Variants in LTBP3 observed in about 807,000 individuals in gnomAD.
LTBP3 encodes the protein latent transforming growth factor beta binding protein 3.
In LTBP3, 97 loss-of-function variants were observed where a neutral mutation model predicts 159.7. The observed-to-expected ratio is 0.61, with a 90% CI of 0.52 to 0.72. The LOEUF is 0.72. LTBP3 is among the 30% of genes least tolerant of loss of function. The pLI is 0.00. For synonymous variants in LTBP3, 824 were observed against 777.1 expected, an observed-to-expected ratio of 1.06 and a Z score of -1.00; for missense variants, 1,584 against 1,864.3, an observed-to-expected ratio of 0.85 and a Z score of 2.77.
rs774468187 is a variant in LTBP3 at position 65,552,097 on chromosome 11, G to A, written c.1406C>T (p.Thr469Met). The change falls in exon 8 of 28, where the codon ACG becomes ATG. Residue 469 changes from threonine (T) to methionine (M), a missense_variant. Physicochemically the swap from Thr to Met is moderately conservative, Grantham distance 81. Around this residue, in one of 6 missense-constraint regions of LTBP3, gnomAD observed 156 missense variants for 259.7 expected, o/e 0.60. Coordinates refer to ENST00000301873, the MANE Select transcript of LTBP3 (RefSeq NM_001130144.3). The surrounding 1 kb of genome is among the most constrained non-coding windows in gnomAD (Gnocchi z 6.0). ...GTCACTCTCGCCCTGAATGGTGAGC[G>A]TCTGGTGGGAGGTGAGAATGTGGTA... ...KGYHILTSHQ[T>M]LTIQGESDFS... is the part of the protein sequence containing the mutation. 7.4e-6 allele frequency: 12 copies of A among 1,614,084 alleles called. No homozygotes were observed. The highest frequency in any genetic ancestry group is 1.3e-5 in the African/African-American group (1 of 74,920).
rs1457257115 is a variant in LTBP3 at position 65,551,147 on chromosome 11, T to C, written c.1699A>G (p.Ile567Val). The change falls in exon 11 of 28, where the codon ATC becomes GTC. Residue 567 changes from isoleucine (I) to valine (V), a missense_variant. Ile to Val is a conservative substitution (Grantham distance 29). Around this residue, in one of 6 missense-constraint regions of LTBP3, gnomAD observed 565 missense variants for 677.7 expected, o/e 0.83. Transcript: ENST00000301873. The stretch of plus-strand genomic sequence containing the variant: ...TTACCTGTGACCTGAGTGGGAGCGA[T>C]CTCTACGGCGCTGCGGGAAGGAGGC... ...DLPPSRSAVE[I>V]APTQVTETDE... 1.5e-5 allele frequency: 24 copies of C among 1,553,718 alleles called. No homozygotes were observed. Among genetic ancestry groups the C allele is most frequent in the Middle Eastern group, 1.7e-4 (1 of 6,014 alleles).
chr11:65,540,133 G>C lies in LTBP3; in HGVS notation c.3265C>G (p.Pro1089Ala). The C allele has an allele frequency of 6.5e-7, 1 of 1,527,660 alleles. No homozygotes were observed. The highest frequency in any genetic ancestry group is 8.8e-7 in the Non-Finnish European group (1 of 1,140,122). 94.6% of individuals were successfully genotyped at this position (1,527,660 alleles called of 1,614,324 possible). A position where few individuals can be genotyped will look rare whatever the true frequency, so the allele number is the denominator to read the frequency against. ...CAGCGGCCAGGGCGGCAGGCTGCCG[G>C]GTCCTGGCACTCGTCCACGTCTACG... ...EEMDVDECQD[P>A]AACRPGRCVN... Residue 1089 changes from proline (P) to alanine (A), a missense_variant, in exon 24 of 28, where the codon CCG (proline) becomes GCG (alanine). Pro to Ala is a conservative substitution (Grantham distance 27). Transcript: ENST00000301873.
intron 1 of LTBP3, among the ~76,000 whole-genome samples, chr11:65,556,654 CAG>C (rs1462382052): frequency 2.6e-5 from 4 of 152,386 alleles, no homozygotes; most frequent in South Asian, 2.1e-4. Flanking sequence ...ACCCCAGACA[CAG>C]GGGCAATATG....
At position 65,538,774 on chromosome 11, in the gene LTBP3, GC is replaced by G; in HGVS notation, c.*305del. 1 of 846,874 alleles carries G rather than the reference GC, an allele frequency of 1.2e-6. No individual in the cohort carries two copies. The highest frequency in any genetic ancestry group is 1.8e-6 in the Non-Finnish European group (1 of 569,806). 52.5% of individuals were successfully genotyped at this position (846,874 alleles called of 1,614,324 possible). A position where few individuals can be genotyped will look rare whatever the true frequency, so the allele number is the denominator to read the frequency against. ...TCTGGCGCCGCCCTGCGCAGCCCGCGCCCACGTCAGACGTGAACATCAATTT... is the reference window on the plus strand; with the variant it reads ...TCTGGCGCCGCCCTGCGCAGCCCGCGCCACGTCAGACGTGAACATCAATTT... On this transcript the variant is annotated 3_prime_UTR_variant, in exon 28 of 28. Coordinates refer to ENST00000301873, the MANE Select transcript of LTBP3 (RefSeq NM_001130144.3).
chr11:65,540,493 T>G lies in LTBP3; in HGVS notation c.3099A>C (p.Glu1033Asp). 6.2e-7 allele frequency: 1 copy of G among 1,613,634 alleles called. No individual in the cohort carries two copies. The highest frequency in any genetic ancestry group is 8.5e-7 in the Non-Finnish European group (1 of 1,179,870). ...CCGGGGGGCGGAGCTCACCCACGCA[T>G]TCCAGCAGGTTCCCGTCGTAGTAGA... ...QGFYYDGNLLECVDVDECLDE... is the reference protein window; with the variant it reads ...QGFYYDGNLLDCVDVDECLDE... The change falls in exon 22 of 28, where the codon GAA (glutamate) becomes GAC (aspartate). Residue 1033 changes from glutamate (E) to aspartate (D), a missense_variant. By Grantham distance (45) the Glu-to-Asp change is conservative. This residue lies in a region of LTBP3 where 514 missense variants were observed against 530.3 expected (regional missense o/e 0.97). Transcript: ENST00000301873.
Position 65,539,059 on chromosome 11 carries a change from C to G in LTBP3, c.*21G>C. On this transcript the variant is annotated 3_prime_UTR_variant, in exon 28 of 28. Coordinates refer to ENST00000301873, the MANE Select transcript of LTBP3 (RefSeq NM_001130144.3). ...CCCTCAGTGATCACCGAGGTCTGGG[C>G]CGAGGGCGGCGTCGGCGGCGTCAGC... 1 of 1,358,734 alleles carries G rather than the reference C, an allele frequency of 7.4e-7. No homozygotes were observed. The highest frequency in any genetic ancestry group is 2.7e-4 in the Middle Eastern group (1 of 3,704). 84.2% of individuals were successfully genotyped at this position (1,358,734 alleles called of 1,614,324 possible). A position where few individuals can be genotyped will look rare whatever the true frequency, so the allele number is the denominator to read the frequency against.
chr11:65,550,801 C>T (rs1027131186), intron 11 of LTBP3, among the ~76,000 whole-genome samples: 1 of 151,914 alleles, frequency 6.6e-6, no homozygotes, highest in African/African-American at 2.4e-5. Context: ...TCCCGCCTGG[C>T]GACAGAGCAA....
chr11:65,538,701 C>G lies in LTBP3; in HGVS notation c.*379G>C, dbSNP rs1025211750. The stretch of plus-strand genomic sequence containing the variant: ...ATCAGAGCCACAATAAATTCTATTT[C>G]ACACCCCTTGTGCCGGGCTCAGTCT... On this transcript the variant is annotated 3_prime_UTR_variant, in exon 28 of 28. Transcript: ENST00000301873. 5.0e-6 allele frequency: 6 copies of G among 1,202,584 alleles called. No individual in the cohort carries two copies. The African/African-American group carries it at 9.2e-5, about 18-fold the overall frequency. 74.5% of individuals were successfully genotyped at this position (1,202,584 alleles called of 1,614,324 possible).
chr11:65,539,313 C>T lies in LTBP3; in HGVS notation c.3760+15G>A, dbSNP rs772736223. On this transcript the variant is annotated intron_variant, in intron 27 of 27. Coordinates refer to ENST00000301873, the MANE Select transcript of LTBP3 (RefSeq NM_001130144.3). ...CCGGCCCCGCCCCTGCCCCCACCCC[C>T]GAAGCCCGGCTCACCCACGCAGCGG... The T allele has an allele frequency of 4.6e-6, 7 of 1,510,460 alleles. No individual in the cohort carries two copies. The highest frequency in any genetic ancestry group is 1.2e-5 in the South Asian group (1 of 82,368). The allele number at this position is 1,510,460 out of a possible 1,614,324, so 93.6% of individuals were successfully genotyped here.
In LTBP3 at chr11:65,553,098, C is replaced by T; in HGVS notation, c.1063+66G>A. 1.2e-6 allele frequency: 2 copies of T among 1,605,024 alleles called. No individual in the cohort carries two copies. Among genetic ancestry groups the T allele is most frequent in the Non-Finnish European group, 1.7e-6 (2 of 1,172,210 alleles). On this transcript the variant is annotated intron_variant, in intron 5 of 27. Coordinates refer to ENST00000301873, the MANE Select transcript of LTBP3 (RefSeq NM_001130144.3). This position sits in a 1 kb window ranked among gnomAD's most constrained non-coding sequence, Gnocchi z 6.5. ...ACCTCCTCTCTCGCCCACCTTGGGA[C>T]CCTCCCCACCCCCAGTGATGGCTGG...
rs1856393306 is a variant in LTBP3 at position 65,546,810 on chromosome 11, C to T, written c.2218G>A (p.Gly740Arg). ...CQPGYRSQGG[G>R]ACRDVNECAE... ...GCCCCGCCCTCACCGCGACAGGCCC[C>T]GCCCCCCTGGCTGCGGTAGCCAGGC... Residue 740 changes from glycine (G) to arginine (R), a missense_variant, in exon 15 of 28, where the codon GGG (glycine) becomes AGG (arginine). Around this residue, in one of 6 missense-constraint regions of LTBP3, gnomAD observed 565 missense variants for 677.7 expected, o/e 0.83. Transcript: ENST00000301873. The surrounding 1 kb of genome is among the most constrained non-coding windows in gnomAD (Gnocchi z 4.0). 8 of 1,605,544 alleles carry T rather than the reference C, an allele frequency of 5.0e-6. No individual in the cohort carries two copies. The highest frequency in any genetic ancestry group is 6.8e-6 in the Non-Finnish European group (8 of 1,179,630).
rs565208055 is a variant in LTBP3, at chr11:65,547,327, G to A, written c.2107+112C>T. On this transcript the variant is annotated intron_variant, in intron 14 of 27. Coordinates refer to ENST00000301873, the MANE Select transcript of LTBP3 (RefSeq NM_001130144.3). This position sits in a 1 kb window ranked among gnomAD's most constrained non-coding sequence, Gnocchi z 4.6. ...CCACCGCACTCCAGCCTGGGCGACA[G>A]AGTGAGACTCCGTCTCGGGGGAAAA... 4.8e-5 allele frequency: 63 copies of A among 1,306,472 alleles called. 1 individual carries two copies. In the South Asian group the frequency reaches 7.4e-4, roughly 15 times the overall value. 80.9% of individuals were successfully genotyped at this position (1,306,472 alleles called of 1,614,324 possible).
chr11:65,547,538 A>G lies in LTBP3; in HGVS notation c.2008T>C (p.Cys670Arg). Residue 670 changes from cysteine to arginine, a missense_variant, in exon 14 of 28, where the codon TGC becomes CGC. Cys to Arg is a radical substitution (Grantham distance 180). Coordinates refer to ENST00000301873, the MANE Select transcript of LTBP3 (RefSeq NM_001130144.3). This position sits in a 1 kb window ranked among gnomAD's most constrained non-coding sequence, Gnocchi z 4.6. The part of the protein sequence containing the change: ...DLNECAKPHL[C>R]GDGGFCINFP... Reference sequence around the variant, plus strand: ...TTGATGCAGAAGCCGCCGTCGCCGCACAGGTGGGGCTTGGCGCATTCGTTC... The same window carrying G: ...TTGATGCAGAAGCCGCCGTCGCCGCGCAGGTGGGGCTTGGCGCATTCGTTC... 1 of 1,613,928 alleles carries G rather than the reference A, an allele frequency of 6.2e-7. No individual in the cohort carries two copies. The highest frequency in any genetic ancestry group is 8.5e-7 in the Non-Finnish European group (1 of 1,179,910).
Position 65,546,571 on chromosome 11 carries a change from C to T in LTBP3, c.2231-7G>A. 6.2e-7 allele frequency: 1 copy of T among 1,601,836 alleles called. No homozygotes were observed. The highest frequency in any genetic ancestry group is 1.1e-5 in the South Asian group (1 of 90,960). ...TCGGCGCACTCGTTCACGTCTGCGG[C>T]GGAAAGACCTAGCCTCGGACTCTGC... is the stretch of plus-strand genomic sequence containing the variant. On this transcript the variant is annotated splice_region_variant and splice_polypyrimidine_tract_variant and intron_variant, in intron 15 of 27. Transcript: ENST00000301873. This position sits in a 1 kb window ranked among gnomAD's most constrained non-coding sequence, Gnocchi z 4.0.
Position 65,552,070 on chromosome 11 carries a change from A to C in LTBP3, c.1433T>G (p.Phe478Cys). 1 of 1,613,910 alleles carries C rather than the reference A, an allele frequency of 6.2e-7. No individual in the cohort carries two copies. Among genetic ancestry groups the C allele is most frequent in the Non-Finnish European group, 8.5e-7 (1 of 1,179,954 alleles). The change falls in exon 8 of 28, where the codon TTT becomes TGT. Residue 478 changes from phenylalanine (F) to cysteine (C), a missense_variant. This residue lies in a region of LTBP3 where 565 missense variants were observed against 677.7 expected (regional missense o/e 0.83). Transcript: ENST00000301873. This position sits in a 1 kb window ranked among gnomAD's most constrained non-coding sequence, Gnocchi z 6.0. Reference sequence around the variant, plus strand: ...CCCGTCAGGGTGCAGGAAAAGGGAAAAGTCACTCTCGCCCTGAATGGTGAG... The same window carrying C: ...CCCGTCAGGGTGCAGGAAAAGGGAACAGTCACTCTCGCCCTGAATGGTGAG... Reference protein sequence around the residue: ...QTLTIQGESDFSLFLHPDGPP... With the variant: ...QTLTIQGESDCSLFLHPDGPP...
chr11:65,541,125 C>T lies in LTBP3; in HGVS notation c.2893+1G>A. ...GGGAAGGGGCCTGCCCGGCTCCTGA[C>T]CTGAGCTGTAGACTGGGCAGGGGTA... On this transcript the variant is annotated splice_donor_variant, in intron 20 of 27. Coordinates refer to ENST00000301873, the MANE Select transcript of LTBP3 (RefSeq NM_001130144.3). LOFTEE classifies it high-confidence loss of function. 1 of 1,612,742 alleles carries T rather than the reference C, an allele frequency of 6.2e-7. No individual in the cohort carries two copies. The highest frequency in any genetic ancestry group is 8.5e-7 in the Non-Finnish European group (1 of 1,179,752).
intron 1 of LTBP3, among the ~76,000 whole-genome samples, chr11:65,555,845 G>C (rs1332330546): frequency 6.6e-6 from 1 of 152,060 alleles, no homozygotes; most frequent in Non-Finnish European, 1.5e-5. Context: ...TGCTCTCCTG[G>C]ATGCCAGAAG....
rs1187877387 is a variant in LTBP3 at position 65,539,514 on chromosome 11, C to T, written c.3628+34G>A. 3.7e-6 allele frequency: 6 copies of T among 1,604,614 alleles called. No individual in the cohort carries two copies. The Admixed American group carries it at 8.5e-5, about 23-fold the overall frequency. On this transcript the variant is annotated intron_variant, in intron 26 of 27. Coordinates refer to ENST00000301873, the MANE Select transcript of LTBP3 (RefSeq NM_001130144.3). ...ACACTGAGCCCCGGCCAAAGGCTAC[C>T]AACCCCGCCACCGCCCGACCCGGCA...
Position 65,547,237 on chromosome 11 carries a change from G to A in LTBP3, c.2107+202C>T, listed in dbSNP as rs573759634. 3.2e-4 allele frequency among the ~76,000 whole-genome samples: 49 copies of A among 152,214 alleles called. No individual in the cohort carries two copies. In the East Asian group the frequency reaches 8.9e-3, roughly 28 times the overall value. ...CAGGCGCCCGTAATCCCAGCTACTC[G>A]GGAGGCTGAGGCAGGAGAATCGCTT... On this transcript the variant is annotated intron_variant, in intron 14 of 27. Coordinates refer to ENST00000301873, the MANE Select transcript of LTBP3 (RefSeq NM_001130144.3). This position sits in a 1 kb window ranked among gnomAD's most constrained non-coding sequence, Gnocchi z 4.6.
Sources: allele counts gnomAD v4.1 joint callset (sites outside exome capture counted in the v4.1 genomes callset), GRCh38; gene constraint gnomAD v4.1.1; regional missense constraint gnomAD v4.1.1; non-coding constraint Gnocchi (gnomAD v3.1); transcripts MANE v1.5; gene names NCBI Gene and HGNC (gene_info 2026-07-23, HGNC 2026-07-21).